Variants in ZNF85 observed in about 807,000 individuals in gnomAD.
The protein encoded by ZNF85 is zinc finger protein 85 (HPF4, HTF1).
Under a neutral mutation model 53.9 loss-of-function variants are expected in ZNF85, and 50 were observed. The ratio of observed to expected loss-of-function variants is 0.93; its 90% confidence interval spans 0.74 to 1.17. The LOEUF (loss-of-function observed/expected upper bound fraction) is 1.17. ZNF85 is among the 50% of genes most tolerant of loss of function. The pLI is 0.00. For synonymous variants in ZNF85, 225 were observed against 226.1 expected (o/e 1.00, Z 0.04); for missense variants, 747 against 688.5 (o/e 1.08, Z -0.95).
intron 3 of ZNF85, among the ~76,000 whole-genome samples, chr19:20,938,850 ATGTGTGTGTGTGTG>A (rs145473574): frequency 7.1e-6 from 1 of 140,986 alleles, no homozygotes; most frequent in Non-Finnish European, 1.6e-5. Flanking sequence ...ATTCTGCTAT[ATGTGTGTGTGTGTG>A]TGTGTGTGTG....
intron 1 of ZNF85, among the ~76,000 whole-genome samples, chr19:20,933,724 C>G (rs1378040556): frequency 6.6e-6 from 1 of 151,916 alleles, no homozygotes; most frequent in African/African-American, 2.4e-5. Context: ...ATTTTTATGC[C>G]CTTAATTTTA....
chr19:20,926,295 T>C (rs1365038125), intron 1 of ZNF85, among the ~76,000 whole-genome samples: 5 of 152,314 alleles, frequency 3.3e-5, no homozygotes, highest in Admixed American at 3.3e-4. Context: ...ATAAATTTTA[T>C]GAGATGAAAC....
At chr19:20,944,257 C>G (rs1245823627) in intron 3 of ZNF85, 2 of 151,066 alleles carry the variant, frequency 1.3e-5, no homozygotes, top group Non-Finnish European at 2.9e-5. Flanking sequence ...TGCAGTGTCT[C>G]ACTATGTTGC....
intron 1 of ZNF85, among the ~76,000 whole-genome samples, chr19:20,930,804 C>T (rs936347967): frequency 3.3e-5 from 5 of 151,998 alleles, no homozygotes; most frequent in African/African-American, 1.2e-4. Flanking sequence ...CAGAGTTTCG[C>T]TCTTGCTGCC....
At chr19:20,936,153 C>T (rs113277382) in intron 3 of ZNF85, among the ~76,000 whole-genome samples, 1,817 of 132,652 alleles carry the variant, frequency 0.014, 33 homozygotes, top group African/African-American at 0.04. Context: ...TAATTTTATA[C>T]TTTGCTAATT....
intron 3 of ZNF85, chr19:20,945,806 CAAATT>C (rs1165693264): frequency 6.6e-6 from 1 of 152,186 alleles, no homozygotes; most frequent in African/African-American, 2.4e-5. Flanking sequence ...TTTTATATTT[CAAATT>C]AAATCTGCTG....
intron 3 of ZNF85, among the ~76,000 whole-genome samples, chr19:20,940,998 G>A (rs961418137): frequency 6.6e-6 from 1 of 152,030 alleles, no homozygotes; most frequent in East Asian, 1.9e-4. Context: ...GTGTTGCATA[G>A]TTCGGATATA....
chr19:20,947,291 T>A (rs1044579828), intron 3 of ZNF85, among the ~76,000 whole-genome samples: 1 of 151,744 alleles, frequency 6.6e-6, no homozygotes, highest in Non-Finnish European at 1.5e-5. Context: ...TAATAATTAG[T>A]GTTTTTATTT....
chr19:20,933,924 A>T, intron 1 of ZNF85, 100 bp from the exon 2 acceptor site: 1 of 1,288,912 alleles, frequency 7.8e-7, no homozygotes, highest in Admixed American at 2.6e-5. Context: ...CTTGAGTAAA[A>T]TTAAAAATGC....
chr19:20,935,459 G>A (rs1374155407), intron 3 of ZNF85, among the ~76,000 whole-genome samples: 1 of 152,066 alleles, frequency 6.6e-6, no homozygotes, highest in Non-Finnish European at 1.5e-5. Context: ...GTTCCATTGG[G>A]GGTTTTTTTG....
Position 20,949,103 on chromosome 19 carries a change from A to G in ZNF85, c.589A>G (p.Thr197Ala), listed in dbSNP as rs1422169833. Residue 197 changes from threonine (T) to alanine (A), a missense_variant, in exon 4 of 4, where the codon ACT becomes GCT. Transcript: ENST00000328178. ...CCTAACTGAACATAGCAGAATTCAT[A>G]CTAGAGTAAATTTCTACAAATGTGA... ...SCLTEHSRIH[T>A]RVNFYKCEEC... 1.9e-6 allele frequency: 3 copies of G among 1,613,660 alleles called. No individual in the cohort carries two copies. Among genetic ancestry groups the G allele is most frequent in the South Asian group, 2.2e-5 (2 of 91,018 alleles).
At chr19:20,931,620 CTTTTTTTTT>C (rs1156835317) in intron 1 of ZNF85, among the ~76,000 whole-genome samples, 4 of 119,468 alleles carry the variant, frequency 3.3e-5, no homozygotes, top group African/African-American at 1.0e-4. Flanking sequence ...TTTTCTTTTT[CTTTTTTTTT>C]TTTTTTTTTT....
chr19:20,941,196 T>G (rs2077705594), intron 3 of ZNF85, among the ~76,000 whole-genome samples: 1 of 152,182 alleles, frequency 6.6e-6, no homozygotes, highest in African/African-American at 2.4e-5. Flanking sequence ...CTGATGGGTG[T>G]GAAGTGATTT....
At chr19:20,933,944 C>G in intron 1 of ZNF85, 80 bp from the exon 2 acceptor site, 1 of 1,373,894 alleles carries the variant, frequency 7.3e-7, no homozygotes, top group Non-Finnish European at 9.6e-7. Flanking sequence ...CTTTTCATAA[C>G]CAGTTGGTAA....
intron 3 of ZNF85, among the ~76,000 whole-genome samples, chr19:20,935,950 A>G (rs1973148219): frequency 6.6e-6 from 1 of 152,158 alleles, no homozygotes; most frequent in South Asian, 2.1e-4. Flanking sequence ...GACATAAAAT[A>G]TTTTAAAATT....
At chr19:20,935,293 C>T (rs770668061) in intron 3 of ZNF85, among the ~76,000 whole-genome samples, 11 of 152,172 alleles carry the variant, frequency 7.2e-5, no homozygotes, top group South Asian at 2.1e-4. Context: ...GAGCCAAAGT[C>T]CTCTTCGTGG....
chr19:20,940,885 G>A (rs1371577437), intron 3 of ZNF85, among the ~76,000 whole-genome samples: 1 of 152,006 alleles, frequency 6.6e-6, no homozygotes, highest in Non-Finnish European at 1.5e-5. Context: ...TACATTTTTT[G>A]ATGTGTTTAT....
chr19:20,946,255 T>G, intron 3 of ZNF85: 1 of 372,878 alleles, frequency 2.7e-6, no homozygotes, highest in South Asian at 2.2e-5. Flanking sequence ...TTATAAAATT[T>G]TAGTTCTAAA....
chr19:20,937,743 A>G (rs1487831405), intron 3 of ZNF85, among the ~76,000 whole-genome samples: 5 of 152,014 alleles, frequency 3.3e-5, no homozygotes, highest in African/African-American at 1.2e-4. Flanking sequence ...GAGTCATTAA[A>G]CTGCTTTGGG....
Sources: allele counts gnomAD v4.1 joint callset (sites outside exome capture counted in the v4.1 genomes callset), GRCh38; gene constraint gnomAD v4.1.1; transcripts MANE v1.5; gene names NCBI Gene and HGNC (gene_info 2026-07-23, HGNC 2026-07-21).